Variants in TIAM2 observed in about 807,000 individuals in gnomAD.
The protein encoded by TIAM2 is rho guanine nucleotide exchange factor TIAM2.
A neutral mutation model predicts 152.9 loss-of-function variants in TIAM2; 80 were observed. The ratio of observed to expected loss-of-function variants is 0.52; its 90% CI spans 0.44 to 0.63. The LOEUF is 0.63. Among genes scored for constraint, TIAM2 ranks in the 30% least tolerant of loss-of-function variants. TIAM2 has a pLI of 0.00. For synonymous variants in TIAM2, 804 were observed against 838.0 expected (o/e 0.96, Z 0.70); for missense variants, 1,965 against 2,120.1 (o/e 0.93, Z 1.44).
intron 1 of TIAM2, among the ~76,000 whole-genome samples, chr6:155,071,270 C>T (rs1482373741): frequency 6.6e-6 from 1 of 152,194 alleles, no homozygotes; most frequent in African/African-American, 2.4e-5. Context: ...CTTTGGAGCA[C>T]GTCTCCACGG....
In TIAM2 at chr6:155,221,658, C is replaced by T. The variant is rs1583259207; in HGVS notation, c.3168+10351C>T. 2.0e-5 allele frequency among the ~76,000 whole-genome samples: 3 copies of T among 152,288 alleles called. No individual in the cohort carries two copies. In the South Asian group the frequency reaches 6.2e-4, roughly 32 times the overall value. Reference sequence around the variant, plus strand: ...CGTAAGGGACCTCTTGCCAGAGCTGCTTGAGGTCTCCCCTTTAATTTTGTC... The same window carrying T: ...CGTAAGGGACCTCTTGCCAGAGCTGTTTGAGGTCTCCCCTTTAATTTTGTC... On this transcript the variant is annotated intron_variant, in intron 15 of 26. Transcript: ENST00000682666.
intron 16 of TIAM2, among the ~76,000 whole-genome samples, chr6:155,242,265 A>G (rs974389434): frequency 5.3e-5 from 8 of 152,326 alleles, no homozygotes; most frequent in African/African-American, 1.9e-4. Context: ...AAAATAACCC[A>G]CACTTGGCAC....
Position 155,165,288 on chromosome 6 carries a change from T to C in TIAM2, c.2240T>C (p.Leu747Pro), listed in dbSNP as rs370466674. Residue 747 changes from leucine to proline, a missense_variant, in exon 9 of 27, where the codon CTC (leucine) becomes CCC (proline). Physicochemically the swap from Leu to Pro is moderately conservative, Grantham distance 98. This residue lies in a region of TIAM2 where 1,025 missense variants were observed against 1,119.4 expected (regional missense o/e 0.92). Transcript: ENST00000682666. ...ALVCSRDDSA[L>P]RKRTLSLTQR... ...GTATGTTCTAGAGATGACTCTGCTC[T>C]CCGGAAAAGGACACTGTCACTGACC... 6 of 1,613,824 alleles carry C rather than the reference T, an allele frequency of 3.7e-6. No homozygotes were observed. The highest frequency in any genetic ancestry group is 5.1e-6 in the Non-Finnish European group (6 of 1,179,988).
intron 1 of TIAM2, among the ~76,000 whole-genome samples, chr6:155,056,158 ATTG>A (rs1374610422): frequency 1.7e-5 from 2 of 116,918 alleles, no homozygotes; most frequent in East Asian, 2.5e-4. Context: ...GGATCTCCTT[ATTG>A]TTCTTCTTTT....
At chr6:155,146,839 G>A (rs1362271134) in intron 6 of TIAM2, among the ~76,000 whole-genome samples, 9 of 146,064 alleles carry the variant, frequency 6.2e-5, no homozygotes, top group Non-Finnish European at 1.3e-4. Context: ...GGCTGGTTTC[G>A]AACTCCTGAC....
intron 1 of TIAM2, among the ~76,000 whole-genome samples, chr6:155,083,580 A>G (rs1220158033): frequency 6.6e-6 from 1 of 152,158 alleles, no homozygotes; most frequent in Non-Finnish European, 1.5e-5. Flanking sequence ...AAGCCTCCCC[A>G]GATACTAAAT....
chr6:155,212,888 A>G (rs1458224007), intron 15 of TIAM2, among the ~76,000 whole-genome samples: 1 of 152,196 alleles, frequency 6.6e-6, no homozygotes, highest in Non-Finnish European at 1.5e-5. Context: ...CAGCAGCTGC[A>G]GGCTCTAGCA....
At chr6:155,134,212 T>A (rs564953529) in intron 4 of TIAM2, among the ~76,000 whole-genome samples, 11 of 152,254 alleles carry the variant, frequency 7.2e-5, no homozygotes, top group African/African-American at 2.6e-4. Flanking sequence ...TAACAGATGA[T>A]TAAGAATTCT....
intron 2 of TIAM2, among the ~76,000 whole-genome samples, chr6:155,118,209 C>T (rs567713815): frequency 9.9e-5 from 15 of 152,232 alleles, no homozygotes; most frequent in African/African-American, 3.4e-4. Flanking sequence ...CTCCTCCTCT[C>T]TCCAAACTTT....
rs1158074503 is a variant in TIAM2, at chr6:155,207,891, A to G, written c.3065-3313A>G. 2.0e-5 allele frequency among the ~76,000 whole-genome samples: 3 copies of G among 152,184 alleles called. No individual in the cohort carries two copies. The East Asian group carries it at 5.8e-4, about 29-fold the overall frequency. ...GTGGTTCGGGGAGTTTTCAGTGTTT[A>G]AGTTCCAAAATCTTTGAAGAGATTG... On this transcript the variant is annotated intron_variant, in intron 14 of 26. Coordinates refer to ENST00000682666, the MANE Select transcript of TIAM2 (RefSeq NM_012454.4).
chr6:155,089,947 A>C (rs113272598), intron 1 of TIAM2, among the ~76,000 whole-genome samples: 3 of 152,142 alleles, frequency 2.0e-5, no homozygotes, highest in African/African-American at 7.2e-5. Flanking sequence ...TCCGTCCGTC[A>C]GTCTGTCTGT....
rs552165919 is a variant in TIAM2, at chr6:155,161,567, T to C, written c.2029-2848T>C. Among the ~76,000 whole-genome samples the C allele has an allele frequency of 3.4e-3, 515 of 150,858 alleles. 2 individuals are homozygous for C. Among genetic ancestry groups the C allele is most frequent in the African/African-American group, 0.012 (488 of 41,046 alleles). On this transcript the variant is annotated intron_variant, in intron 7 of 26. Coordinates refer to ENST00000682666, the MANE Select transcript of TIAM2 (RefSeq NM_012454.4). ...TAGACCTGAATTTTATTTTATTTTG[T>C]CTTTTTTTTTTTTTTTCTGAGATGG...
intron 1 of TIAM2, among the ~76,000 whole-genome samples, chr6:155,048,049 T>C (rs531815769): frequency 1.3e-4 from 19 of 151,984 alleles, no homozygotes; most frequent in South Asian, 6.3e-4. Flanking sequence ...ACTTCCTGGG[T>C]TCAAGTGATT....
chr6:155,219,000 CGTGTTCTTG>C lies in TIAM2; in HGVS notation c.3168+7694_3168+7702del, dbSNP rs1781953379. On this transcript the variant is annotated intron_variant, in intron 15 of 26. Coordinates refer to ENST00000682666, the MANE Select transcript of TIAM2 (RefSeq NM_012454.4). This position sits in a 1 kb window ranked among gnomAD's most constrained non-coding sequence, Gnocchi z 4.5. ...CACCCGTGTTCTTGACCATCTCAGC[CGTGTTCTTG>C]ACCATCTCAGCCGCCCACCCGTGTT... Among the ~76,000 whole-genome samples the C allele has an allele frequency of 6.9e-6, 1 of 145,428 alleles. No homozygotes were observed. Among genetic ancestry groups the C allele is most frequent in the African/African-American group, 2.6e-5 (1 of 39,056 alleles).
In TIAM2 at chr6:155,156,641, G is replaced by C. The variant is rs1780123389; in HGVS notation, c.2029-7774G>C. 6.6e-6 allele frequency among the ~76,000 whole-genome samples: 1 copy of C among 152,078 alleles called. No individual in the cohort carries two copies. The highest frequency in any genetic ancestry group is 2.4e-5 in the African/African-American group (1 of 41,406). On this transcript the variant is annotated intron_variant, in intron 7 of 26. Coordinates refer to ENST00000682666, the MANE Select transcript of TIAM2 (RefSeq NM_012454.4). This position sits in a 1 kb window ranked among gnomAD's most constrained non-coding sequence, Gnocchi z 4.4. The stretch of plus-strand genomic sequence containing the variant: ...CCATTGCACTCCAGCCTGGGCAACA[G>C]AGTGATATGTCTCAAAATAAATAAA...
At chr6:155,167,008 A>G (rs1481706044) in intron 9 of TIAM2, among the ~76,000 whole-genome samples, 1 of 152,190 alleles carries the variant, frequency 6.6e-6, no homozygotes, top group Non-Finnish European at 1.5e-5. Flanking sequence ...GCTATTTGAT[A>G]ACGCTTTTGT....
At chr6:155,144,188 G>A (rs1204409817) in intron 5 of TIAM2, among the ~76,000 whole-genome samples, 1 of 152,110 alleles carries the variant, frequency 6.6e-6, no homozygotes, top group Non-Finnish European at 1.5e-5. Context: ...GTGATTCTGT[G>A]TTCTCTTCCT....
chr6:155,066,482 G>A (rs1208935673), intron 1 of TIAM2, among the ~76,000 whole-genome samples: 2 of 152,222 alleles, frequency 1.3e-5, no homozygotes, highest in Non-Finnish European at 2.9e-5. Context: ...GGTTATGTGT[G>A]TTCGTACAAA....
intron 1 of TIAM2, among the ~76,000 whole-genome samples, chr6:155,069,911 CTT>C (rs36093906): frequency 0.023 from 2,935 of 125,616 alleles, 106 homozygotes; most frequent in African/African-American, 0.08. Context: ...CATTTCTTTT[CTT>C]TTTTTTTTTT....
Sources: allele counts gnomAD v4.1 joint callset (sites outside exome capture counted in the v4.1 genomes callset), GRCh38; gene constraint gnomAD v4.1.1; regional missense constraint gnomAD v4.1.1; non-coding constraint Gnocchi (gnomAD v3.1); transcripts MANE v1.5; gene names NCBI Gene and HGNC (gene_info 2026-07-23, HGNC 2026-07-21).